Variants in ITGB7 observed in about 807,000 individuals in gnomAD.
The protein encoded by ITGB7 is integrin subunit beta 7, also known as integrin beta-7.
Under a neutral mutation model 83.4 loss-of-function variants are expected in ITGB7, and 55 were observed. That is an observed-to-expected ratio of 0.66 (90% CI 0.53 to 0.83). The LOEUF is 0.83. Ranked by LOEUF, ITGB7 falls within the 40% of genes least tolerant of loss-of-function variation. The pLI is 0.00. For synonymous variants in ITGB7, 454 were observed against 423.6 expected, an observed-to-expected ratio of 1.07 and a Z score of -0.88; for missense variants, 921 against 1,046.7, an observed-to-expected ratio of 0.88 and a Z score of 1.66.
In ITGB7 at chr12:53,192,778, TTGCAGCGTCCA is replaced by T. The variant is rs769222743; in HGVS notation, c.1848_1858del (p.His616GlnfsTer66). The T allele has an allele frequency of 1.2e-6, 2 of 1,614,218 alleles. No homozygotes were observed. Among genetic ancestry groups the T allele is most frequent in the Non-Finnish European group, 1.7e-6 (2 of 1,180,036 alleles). On this transcript the variant is annotated frameshift_variant, in exon 13 of 16. Transcript: ENST00000267082. LOFTEE classifies it high-confidence loss of function. ...GTCCAAGCACTGGCAGCGGTTGCAT[TTGCAGCGTCCA>T]TGCCCACTGCAGAGCCCTCCCTCGG...
At chr12:53,200,190 T>C in intron 3 of ITGB7, 53 bp downstream of exon 3, 5 of 1,422,498 alleles carry the variant, frequency 3.5e-6, no homozygotes, top group South Asian at 1.2e-5. Context: ...CACATACATA[T>C]ACACATACAC....
chr12:53,193,842 C>T lies in ITGB7; in HGVS notation c.1368G>A (p.Arg456=), dbSNP rs369021637. The T allele has an allele frequency of 6.2e-6, 10 of 1,613,922 alleles. No individual in the cohort carries two copies. The African/African-American group carries it at 9.4e-5, about 15-fold the overall frequency. Residue 456 remains arginine, a synonymous_variant, in exon 11 of 16, where the codon AGG becomes AGA. Coordinates refer to ENST00000267082, the MANE Select transcript of ITGB7 (RefSeq NM_000889.3). ...CCTCTGAGAAGCCAAGGGCCCGGAG[C>T]CTCAGGAGATGGGGCTCTGGGAGGC... is the stretch of plus-strand genomic sequence containing the variant. ...THCLPEPHLL[R]LRALGFSEEL...
In ITGB7 at chr12:53,200,308, G is replaced by A; in HGVS notation, c.136C>T (p.Gln46Ter). Residue 46 changes from glutamine (Q) to a stop codon, truncating the protein, a stop_gained, in exon 3 of 16, where the codon CAG becomes TAG. Coordinates refer to ENST00000267082, the MANE Select transcript of ITGB7 (RefSeq NM_000889.3). LOFTEE classifies it high-confidence loss of function. Reference protein sequence around the residue: ...NPHLSMLGSCQPAPSCQKCIL... With the variant: ...NPHLSMLGSC Reference sequence around the variant, plus strand: ...CACTTCTGGCAGGAGGGGGCTGGCTGGCAGGACCCCAGCATGGACAGGTGA... The same window carrying A: ...CACTTCTGGCAGGAGGGGGCTGGCTAGCAGGACCCCAGCATGGACAGGTGA... The A allele has an allele frequency of 6.2e-7, 1 of 1,614,204 alleles. No homozygotes were observed.
At chr12:53,196,890 T>A in intron 5 of ITGB7, 70 bp from the exon 6 acceptor site, 1 of 1,532,958 alleles carries the variant, frequency 6.5e-7, no homozygotes, top group Non-Finnish European at 8.8e-7. Context: ...ATGAGAGCGC[T>A]CTATGGGAAG....
At position 53,196,131 on chromosome 12, in the gene ITGB7, A is replaced by G. The variant is rs375798922; in HGVS notation, c.885T>C (p.Ala295=). The part of the protein sequence containing the change: ...VFTSDDTFHT[A]GDGKLGGIFM... ...AAATGCCGCCCAACTTCCCGTCCCC[A>G]GCTGTATGGAATGTGTCGTCTGAAG... Residue 295 remains alanine (A), a synonymous_variant, in exon 7 of 16, where the codon GCT becomes GCC. Transcript: ENST00000267082. 3.5e-5 allele frequency: 57 copies of G among 1,614,160 alleles called. No individual in the cohort carries two copies. The African/African-American group carries it at 7.2e-4, about 20-fold the overall frequency.
At chr12:53,193,020 C>A in intron 12 of ITGB7, 110 bp from the exon 13 acceptor site, 1 of 1,352,162 alleles carries the variant, frequency 7.4e-7, no homozygotes. Context: ...GCCAACCACA[C>A]CCTCTAACCC....
intron 3 of ITGB7, among the ~76,000 whole-genome samples, chr12:53,198,911 C>T (rs1164246514): frequency 6.6e-6 from 1 of 152,202 alleles, no homozygotes; most frequent in African/African-American, 2.4e-5. Context: ...AGCGGCTTCT[C>T]AGCTGGCCCT....
chr12:53,198,028 A>C, intron 3 of ITGB7, 77 bp from the exon 4 acceptor site: 2 of 1,204,210 alleles, frequency 1.7e-6, no homozygotes, highest in African/African-American at 1.6e-5. Context: ...CACCCTGCAA[A>C]CCCGGCCACC....
chr12:53,192,075 C>T (rs11170466), intron 14 of ITGB7, 56 bp from the exon 15 acceptor site: 90,727 of 1,566,724 alleles, frequency 0.058, 3,223 homozygotes, highest in East Asian at 0.17. Flanking sequence ...GACAGATCAT[C>T]AGTTGCTCAC....
intron 5 of ITGB7, 142 bp from the exon 6 acceptor site, chr12:53,196,962 C>G (rs1942182681): frequency 2.2e-6 from 2 of 914,844 alleles, no homozygotes; most frequent in Non-Finnish European, 3.3e-6. Context: ...TGGTAACTGG[C>G]AAGCAAAGCA....
intron 3 of ITGB7, among the ~76,000 whole-genome samples, chr12:53,200,003 G>A (rs141648799): frequency 2.0e-3 from 297 of 152,240 alleles, no homozygotes; most frequent in Non-Finnish European, 3.1e-3. Flanking sequence ...ATATACACAA[G>A]CAAATGGATA....
intron 9 of ITGB7, 92 bp from the exon 10 acceptor site, chr12:53,194,436 AG>A: frequency 1.5e-6 from 2 of 1,341,880 alleles, no homozygotes; most frequent in Non-Finnish European, 2.1e-6. Flanking sequence ...CAATTCTGCC[AG>A]CACCCTGCCC....
At chr12:53,201,725 T>TA (rs1218541371) in intron 1 of ITGB7, among the ~76,000 whole-genome samples, 1 of 152,028 alleles carries the variant, frequency 6.6e-6, no homozygotes, top group Non-Finnish European at 1.5e-5. Context: ...AATAATCTTG[T>TA]AAAAAAGATA....
chr12:53,202,744 C>G (rs528915229), intron 1 of ITGB7, among the ~76,000 whole-genome samples: 1 of 152,114 alleles, frequency 6.6e-6, no homozygotes, highest in South Asian at 2.1e-4. Flanking sequence ...AGGCAGATCA[C>G]AAGGTCAGGA....
At chr12:53,203,647 CAAAAAA>C (rs1158624130) in intron 1 of ITGB7, among the ~76,000 whole-genome samples, 2,616 of 50,898 alleles carry the variant, frequency 0.051, 50 homozygotes, top group African/African-American at 0.13. Flanking sequence ...GACCCTGTCT[CAAAAAA>C]AAAAAAAAAA....
Position 53,196,814 on chromosome 12 carries a change from C to A in ITGB7, c.581G>T (p.Gly194Val). The A allele has an allele frequency of 6.3e-7, 1 of 1,594,308 alleles. No homozygotes were observed. The change falls in exon 6 of 16, where the codon GGT becomes GTT. Residue 194 changes from glycine to valine, a missense_variant. Transcript: ENST00000267082. ...CAGCACCGTTTTGTCCACAAAGGAA[C>A]CAAAACCTGGGAGAGGAGAGGAATG... ...EVTHSVRIGF[G>V]SFVDKTVLPF... is the part of the protein sequence containing the mutation.
At chr12:53,194,176 G>A in intron 10 of ITGB7, 22 bp downstream of exon 10, 1 of 1,613,730 alleles carries the variant, frequency 6.2e-7, no homozygotes, top group Non-Finnish European at 8.5e-7. Context: ...CCCGCCTTCT[G>A]CCTGTGCTTG....
At position 53,201,205 on chromosome 12, in the gene ITGB7, G is replaced by A. The variant is rs1276904990; in HGVS notation, c.-126-11C>T. On this transcript the variant is annotated splice_polypyrimidine_tract_variant and intron_variant, in intron 1 of 15. Coordinates refer to ENST00000267082, the MANE Select transcript of ITGB7 (RefSeq NM_000889.3). ...CTTTAGTTTCCACATCTGCAAAGTG[G>A]AGAAGTTGAATAAATAGTCTGACAT... 6.6e-6 allele frequency: 1 copy of A among 152,218 alleles called. No homozygotes were observed. Among genetic ancestry groups the A allele is most frequent in the East Asian group, 1.9e-4 (1 of 5,200 alleles). 9.4% of individuals were successfully genotyped at this position (152,218 alleles called of 1,614,324 possible).
At chr12:53,196,223 G>A in intron 6 of ITGB7, 24 bp from the exon 7 acceptor site, 2 of 1,611,204 alleles carry the variant, frequency 1.2e-6, no homozygotes, top group African/African-American at 1.3e-5. Context: ...GGGGTGGTAG[G>A]CTATGCACCT....
Sources: allele counts gnomAD v4.1 joint callset (sites outside exome capture counted in the v4.1 genomes callset), GRCh38; gene constraint gnomAD v4.1.1; transcripts MANE v1.5; gene names NCBI Gene and HGNC (gene_info 2026-07-23, HGNC 2026-07-21).